The following N4BP2L2 variants were observed in gnomAD, a reference collection of about 807,000 sequenced individuals.
N4BP2L2 encodes NEDD4 binding protein 2 like 2, also known as NEDD4-binding protein 2-like 2.
Under a neutral mutation model 56.2 loss-of-function variants are expected in N4BP2L2, and 50 were observed. The observed-to-expected ratio is 0.89, with a 90% CI of 0.71 to 1.13. The LOEUF is 1.13. N4BP2L2 is among the 50% of genes most tolerant of loss of function. The pLI is 0.00. For missense variants in N4BP2L2, 689 were observed against 693.8 expected (o/e 0.99, Z 0.08); for synonymous variants, 203 against 223.6 (o/e 0.91, Z 0.82).
intron 6 of N4BP2L2, among the ~76,000 whole-genome samples, chr13:32,455,050 C>A (rs956443303): frequency 1.3e-5 from 2 of 152,196 alleles, no homozygotes; most frequent in Non-Finnish European, 2.9e-5. Context: ...GATAGCACTG[C>A]TCCAGAGAGG....
In N4BP2L2 at chr13:32,492,273, ATTTTTT is replaced by A. The variant is rs72053635; in HGVS notation, c.365+25578_365+25583del. Among the ~76,000 whole-genome samples the A allele has an allele frequency of 3.8e-3, 276 of 72,146 alleles. 2 individuals carry two copies. The highest frequency in any genetic ancestry group is 4.8e-3 in the South Asian group (8 of 1,682). 47.3% of individuals were successfully genotyped at this position (72,146 alleles called of 152,430 possible). On this transcript the variant is annotated intron_variant, in intron 6 of 9. Coordinates refer to the N4BP2L2 transcript ENST00000357505. The stretch of plus-strand genomic sequence containing the variant: ...TTTCTACACATCCCAAAACACCAAA[ATTTTTT>A]TTTTTTTTTTTTTTTTTTTTTGACA...
intron 6 of N4BP2L2, among the ~76,000 whole-genome samples, chr13:32,447,758 G>C (rs2077263649): frequency 6.6e-6 from 1 of 151,360 alleles, no homozygotes; most frequent in African/African-American, 2.5e-5. Context: ...ACAATCAGCT[G>C]CTTCAGAAAA....
chr13:32,506,742 T>C (rs1035390848), downstream of N4BP2L2: 3 of 152,046 alleles, frequency 2.0e-5, no homozygotes, highest in Non-Finnish European at 2.9e-5. Flanking sequence ...ATTCAAGGAA[T>C]TGAGAGGTGG....
chr13:32,532,212 C>T (rs1223957100), intron 2 of N4BP2L2, among the ~76,000 whole-genome samples: 1 of 152,184 alleles, frequency 6.6e-6, no homozygotes, highest in Non-Finnish European at 1.5e-5. Context: ...ATTCAGCCTA[C>T]CATTGCAAAT....
intron 2 of N4BP2L2, among the ~76,000 whole-genome samples, chr13:32,535,541 T>C (rs934695465): frequency 6.6e-6 from 1 of 152,218 alleles, no homozygotes; most frequent in Non-Finnish European, 1.5e-5. Flanking sequence ...CACTTGTCAG[T>C]GATTACAAGT....
At chr13:32,521,433 T>C in exon 5 of N4BP2L2, 1 of 1,612,392 alleles carries the variant, frequency 6.2e-7, no homozygotes, top group Non-Finnish European at 8.5e-7. Context: ...CTCTACTCTG[T>C]ATCCTTTTCC....
At chr13:32,504,113 G>A (rs1031545805) in intron 6 of N4BP2L2, among the ~76,000 whole-genome samples, 2 of 152,086 alleles carry the variant, frequency 1.3e-5, no homozygotes, top group Admixed American at 6.6e-5. Flanking sequence ...GATGAATTAG[G>A]ACCTAAAACT....
At chr13:32,478,906 G>A (rs1363890601) in intron 6 of N4BP2L2, 2 of 152,194 alleles carry the variant, frequency 1.3e-5, no homozygotes, top group African/African-American at 4.8e-5. Flanking sequence ...GAAGTGGATG[G>A]ATCACCTGAG....
intron 6 of N4BP2L2, among the ~76,000 whole-genome samples, chr13:32,502,102 C>T (rs1419118028): frequency 2.8e-5 from 4 of 142,640 alleles, no homozygotes; most frequent in African/African-American, 5.2e-5. Context: ...CTTGCTCTGT[C>T]GCCCAGGCTG....
At chr13:32,437,074 G>A (rs1009568081) in intron 8 of N4BP2L2, among the ~76,000 whole-genome samples, 7 of 151,910 alleles carry the variant, frequency 4.6e-5, no homozygotes, top group Middle Eastern at 6.8e-3. Flanking sequence ...GTAGAGACAG[G>A]GTTTCACTAT....
chr13:32,446,332 G>A lies in N4BP2L2; in HGVS notation c.366-2206C>T, dbSNP rs757663888. ...TGAGTAAAGAGTGCTATCTGTGGTTGTAACTCTCCTTCATGGCCAGTTCTA... is the reference window on the plus strand; with the variant it reads ...TGAGTAAAGAGTGCTATCTGTGGTTATAACTCTCCTTCATGGCCAGTTCTA... On this transcript the variant is annotated intron_variant, in intron 6 of 9. Coordinates refer to the N4BP2L2 transcript ENST00000357505. 10 of 1,352,376 alleles carry A rather than the reference G, an allele frequency of 7.4e-6. No individual in the cohort carries two copies. The South Asian group carries it at 1.2e-4, about 16-fold the overall frequency. 83.8% of individuals were successfully genotyped at this position (1,352,376 alleles called of 1,614,324 possible). A position where few individuals can be genotyped will look rare whatever the true frequency, so the allele number is the denominator to read the frequency against.
rs145597023 is a variant in N4BP2L2, at chr13:32,518,225, T to C, written c.1551-222A>G. ...AGATTCCATATATCACAGAAAAATG[T>C]TAATTACATCCTTTTCACATAGAAC... On this transcript the variant is annotated intron_variant, in intron 5 of 5. Transcript: ENST00000267068. Among the ~76,000 whole-genome samples, 1,118 of 152,308 alleles carry C rather than the reference T, an allele frequency of 7.3e-3. 6 individuals are homozygous for C. Among genetic ancestry groups the C allele is most frequent in the Non-Finnish European group, 0.012 (810 of 68,018 alleles).
intron 6 of N4BP2L2, among the ~76,000 whole-genome samples, chr13:32,468,827 T>C (rs182072967): frequency 4.5e-4 from 69 of 152,304 alleles, no homozygotes; most frequent in South Asian, 2.3e-3. Context: ...GTCTTATAGA[T>C]AGACAGGGGA....
chr13:32,484,801 A>C (rs1293280405), intron 6 of N4BP2L2, among the ~76,000 whole-genome samples: 1 of 152,176 alleles, frequency 6.6e-6, no homozygotes, highest in Non-Finnish European at 1.5e-5. Flanking sequence ...CTTTTTAAAA[A>C]ATAGCTAGAA....
chr13:32,527,481 A>G (rs1355759282), exon 3 of N4BP2L2: 22 of 1,613,826 alleles, frequency 1.4e-5, no homozygotes, highest in Non-Finnish European at 1.8e-5. Context: ...GATGGTGAAA[A>G]TAGTCATCAG....
chr13:32,433,339 G>A (rs184850336), intron 9 of N4BP2L2, among the ~76,000 whole-genome samples: 2 of 152,294 alleles, frequency 1.3e-5, no homozygotes, highest in East Asian at 3.9e-4. Context: ...CATTTCAAAG[G>A]CAATGTTTTG....
At chr13:32,522,103 A>T (rs1469051896) in intron 4 of N4BP2L2, 79 bp downstream of exon 4, 1 of 926,058 alleles carries the variant, frequency 1.1e-6, no homozygotes, top group South Asian at 1.5e-5. Flanking sequence ...AATAATCAAG[A>T]TCCAACCAGC....
chr13:32,443,343 T>C lies in N4BP2L2; in HGVS notation c.1149A>G (p.Glu383=), dbSNP rs139308263. 3.7e-3 allele frequency: 5,942 copies of C among 1,614,052 alleles called. 21 individuals are homozygous for C. The highest frequency in any genetic ancestry group is 4.8e-3 in the Non-Finnish European group (5,607 of 1,179,908). The change falls in exon 7 of 10, where the codon GAA becomes GAG. Residue 383 remains glutamate, a synonymous_variant. Transcript: ENST00000357505. ...ATGCTCTATCTTTCTTTGGTCTCTGTTCACATATAAACTTATGAGGTCCTG... is the reference window on the plus strand; with the variant it reads ...ATGCTCTATCTTTCTTTGGTCTCTGCTCACATATAAACTTATGAGGTCCTG...
intron 4 of N4BP2L2, 173 bp downstream of exon 4, chr13:32,522,009 G>C: frequency 1.8e-6 from 1 of 563,138 alleles, no homozygotes. Context: ...AGATGAACAT[G>C]TTCCTTAAAA....
Sources: allele counts gnomAD v4.1 joint callset (sites outside exome capture counted in the v4.1 genomes callset), GRCh38; gene constraint gnomAD v4.1.1; transcripts MANE v1.5; gene names NCBI Gene and HGNC (gene_info 2026-07-23, HGNC 2026-07-21).